STT3B: variants seen among roughly 807,000 people sequenced by gnomAD.
STT3B encodes dolichyl-diphosphooligosaccharide--protein glycosyltransferase subunit STT3B.
A neutral mutation model predicts 96.8 loss-of-function variants in STT3B; 29 were observed. The ratio of observed to expected loss-of-function variants is 0.30; its 90% CI spans 0.22 to 0.41. The LOEUF (loss-of-function observed/expected upper bound fraction) is 0.41, where lower values mean the gene tolerates loss of function less well. Among genes scored for constraint, STT3B ranks in the 10% least tolerant of loss-of-function variants. The probability of loss-of-function intolerance (pLI) is 1.00; values close to 1 mark genes in which losing one functional copy is unlikely to be tolerated. For missense variants in STT3B, 640 were observed against 1,022.3 expected (o/e 0.63, Z 5.10); for synonymous variants, 367 against 360.0 (o/e 1.02, Z -0.22).
intron 5 of STT3B, among the ~76,000 whole-genome samples, chr3:31,602,279 G>C (rs1167687150): frequency 6.6e-6 from 1 of 152,012 alleles, no homozygotes; most frequent in Non-Finnish European, 1.5e-5. Context: ...ATCCAGAAAG[G>C]AGAATAATAA....
At chr3:31,539,195 A>G (rs1436019796) in intron 1 of STT3B, among the ~76,000 whole-genome samples, 1 of 152,130 alleles carries the variant, frequency 6.6e-6, no homozygotes, top group African/African-American at 2.4e-5. Flanking sequence ...TATGTTGTTC[A>G]AGGTTGTACT....
At chr3:31,620,863 C>T (rs1699412351) in intron 9 of STT3B, among the ~76,000 whole-genome samples, 1 of 152,110 alleles carries the variant, frequency 6.6e-6, no homozygotes, top group Non-Finnish European at 1.5e-5. Flanking sequence ...AAGAACAGCA[C>T]CTGTAGGGGT....
At chr3:31,635,590 T>G (rs191884013) in intron 15 of STT3B, among the ~76,000 whole-genome samples, 7 of 152,140 alleles carry the variant, frequency 4.6e-5, no homozygotes, top group Non-Finnish European at 1.0e-4. Flanking sequence ...AGTTAACGTG[T>G]TTTTCTGGCA....
At chr3:31,569,666 A>G (rs897646560) in intron 1 of STT3B, among the ~76,000 whole-genome samples, 18 of 152,180 alleles carry the variant, frequency 1.2e-4, no homozygotes, top group Middle Eastern at 3.2e-3. Context: ...GTATTAAAAG[A>G]AGGAGGATAT....
intron 15 of STT3B, among the ~76,000 whole-genome samples, chr3:31,634,806 C>T (rs184354753): frequency 3.9e-5 from 6 of 152,076 alleles, no homozygotes; most frequent in Non-Finnish European, 8.8e-5. Context: ...GAAAAAGTAT[C>T]CTGTTAGAAT....
At chr3:31,535,464 C>T (rs1458885429) in intron 1 of STT3B, among the ~76,000 whole-genome samples, 1 of 151,990 alleles carries the variant, frequency 6.6e-6, no homozygotes, top group Non-Finnish European at 1.5e-5. Context: ...TGGCTCACGC[C>T]TGTAATCCCA....
chr3:31,629,592 TA>T (rs1355291827), intron 14 of STT3B, among the ~76,000 whole-genome samples, 181 bp downstream of exon 14: 1 of 152,118 alleles, frequency 6.6e-6, no homozygotes, highest in African/African-American at 2.4e-5. Context: ...AATTAGAAAA[TA>T]AAATTTTAGA....
intron 10 of STT3B, among the ~76,000 whole-genome samples, chr3:31,623,462 A>T (rs1047387163): frequency 1.2e-4 from 18 of 152,180 alleles, no homozygotes; most frequent in African/African-American, 4.3e-4. Context: ...CTCTGTGACC[A>T]GTTTCTGGAT....
At chr3:31,619,878 C>CT in intron 9 of STT3B, 48 bp downstream of exon 9, 1 of 1,566,746 alleles carries the variant, frequency 6.4e-7, no homozygotes, top group Non-Finnish European at 8.6e-7. Context: ...AGTTATTTTT[C>CT]TTTTTGAGAT....
At chr3:31,602,228 T>C (rs1004043612) in intron 5 of STT3B, among the ~76,000 whole-genome samples, 1 of 152,130 alleles carries the variant, frequency 6.6e-6, no homozygotes, top group African/African-American at 2.4e-5. Context: ...CATACACCTA[T>C]GTATTTCTCT....
chr3:31,628,447 A>T (rs1229342989), intron 13 of STT3B, among the ~76,000 whole-genome samples: 1 of 152,094 alleles, frequency 6.6e-6, no homozygotes, highest in African/African-American at 2.4e-5. Context: ...TGGAATTTAG[A>T]TTGTTTCCAG....
chr3:31,626,587 C>T (rs1699544170), intron 13 of STT3B, among the ~76,000 whole-genome samples: 1 of 152,118 alleles, frequency 6.6e-6, no homozygotes, highest in African/African-American at 2.4e-5. Context: ...GTCTTAAAAC[C>T]ATATAGACAT....
At chr3:31,558,380 AG>A (rs1158286580) in intron 1 of STT3B, among the ~76,000 whole-genome samples, 1 of 152,216 alleles carries the variant, frequency 6.6e-6, no homozygotes, top group Non-Finnish European at 1.5e-5. Flanking sequence ...TTTATCATGA[AG>A]GGATCTTGCA....
chr3:31,566,779 C>T (rs1187692559), intron 1 of STT3B, among the ~76,000 whole-genome samples: 2 of 152,130 alleles, frequency 1.3e-5, no homozygotes, highest in Non-Finnish European at 2.9e-5. Context: ...CTCTACTCCC[C>T]CCAGCTCTTG....
At chr3:31,555,842 C>G (rs955178236) in intron 1 of STT3B, among the ~76,000 whole-genome samples, 6 of 151,966 alleles carry the variant, frequency 3.9e-5, no homozygotes, top group African/African-American at 1.4e-4. Context: ...TGTAATGATC[C>G]AGTCAAGTTA....
At chr3:31,567,115 CTA>C (rs1698024543) in intron 1 of STT3B, among the ~76,000 whole-genome samples, 1 of 152,138 alleles carries the variant, frequency 6.6e-6, no homozygotes, top group South Asian at 2.1e-4. Flanking sequence ...CACTTGGAGT[CTA>C]TGTGTGGTTA....
chr3:31,536,807 C>G (rs1302045736), intron 1 of STT3B, among the ~76,000 whole-genome samples: 1 of 152,156 alleles, frequency 6.6e-6, no homozygotes, highest in African/African-American at 2.4e-5. Context: ...ACTTGCCAAA[C>G]GTTTGGTTAA....
At chr3:31,555,128 A>G (rs1406897838) in intron 1 of STT3B, among the ~76,000 whole-genome samples, 1 of 152,194 alleles carries the variant, frequency 6.6e-6, no homozygotes, top group East Asian at 1.9e-4. Context: ...ACCTCTGGTT[A>G]GAATATACTT....
intron 5 of STT3B, among the ~76,000 whole-genome samples, chr3:31,613,457 G>A (rs999711612): frequency 6.6e-6 from 1 of 152,074 alleles, no homozygotes; most frequent in Admixed American, 6.6e-5. Flanking sequence ...TTCAGTGTTT[G>A]TCTAGGATTT....
Sources: allele counts gnomAD v4.1 joint callset (sites outside exome capture counted in the v4.1 genomes callset), GRCh38; gene constraint gnomAD v4.1.1; transcripts MANE v1.5; gene names NCBI Gene and HGNC (gene_info 2026-07-23, HGNC 2026-07-21).